The following RARB variants were observed in gnomAD, a reference collection of about 807,000 sequenced individuals.
The protein encoded by RARB is retinoic acid receptor beta, also known as HBV-activated protein.
A neutral mutation model predicts 51.9 loss-of-function variants in RARB; 17 were observed. The observed-to-expected ratio is 0.33, with a 90% CI of 0.22 to 0.49. The LOEUF (loss-of-function observed/expected upper bound fraction) is 0.49. Ranked by LOEUF, RARB falls within the 20% of genes least tolerant of loss-of-function variation. RARB has a pLI of 0.99. For missense variants in RARB, 369 were observed against 550.8 expected, an observed-to-expected ratio of 0.67 and a Z score of 3.30; for synonymous variants, 215 against 195.4, an observed-to-expected ratio of 1.10 and a Z score of -0.84.
At chr3:25,351,624 A>G (rs1490791830) in intron 5 of RARB, among the ~76,000 whole-genome samples, 1 of 152,184 alleles carries the variant, frequency 6.6e-6, no homozygotes, top group African/African-American at 2.4e-5. Flanking sequence ...AGCCCGGAAG[A>G]CACTTGGGCG....
chr3:25,568,558 C>T (rs1700585357), intron 3 of RARB, among the ~76,000 whole-genome samples: 1 of 152,112 alleles, frequency 6.6e-6, no homozygotes, highest in Non-Finnish European at 1.5e-5. Context: ...CTTCCTCTCT[C>T]CTCCTGCTAT....
intron 2 of RARB, among the ~76,000 whole-genome samples, chr3:25,040,976 G>A (rs1698102342): frequency 6.6e-6 from 1 of 152,158 alleles, no homozygotes; most frequent in Admixed American, 6.5e-5. Flanking sequence ...CATCATTCAT[G>A]CTGTATCAAC....
intron 3 of RARB, among the ~76,000 whole-genome samples, chr3:25,520,065 A>C (rs371930075): frequency 3.3e-5 from 5 of 152,176 alleles, no homozygotes; most frequent in African/African-American, 1.2e-4. Context: ...AGCCACATGC[A>C]TTCACTTATG....
chr3:24,894,163 A>C (rs1399600460), intron 2 of RARB, among the ~76,000 whole-genome samples: 1 of 152,112 alleles, frequency 6.6e-6, no homozygotes, highest in Non-Finnish European at 1.5e-5. Context: ...GTGCATGTTT[A>C]CCTGGGTATA....
intron 5 of RARB, among the ~76,000 whole-genome samples, chr3:25,421,476 A>G (rs1707862549): frequency 7.4e-6 from 1 of 135,552 alleles, no homozygotes; most frequent in East Asian, 2.1e-4. Context: ...CAGTGGTGCA[A>G]TCTCGGCTCA....
chr3:24,883,058 G>T (rs1292672270), intron 2 of RARB, among the ~76,000 whole-genome samples: 3 of 152,110 alleles, frequency 2.0e-5, no homozygotes, highest in African/African-American at 7.2e-5. Flanking sequence ...GTCAGTAAGA[G>T]CCTTTCTCCT....
At chr3:25,454,611 T>C (rs1284764007) in intron 1 of RARB, among the ~76,000 whole-genome samples, 1 of 152,166 alleles carries the variant, frequency 6.6e-6, no homozygotes, top group Non-Finnish European at 1.5e-5. Context: ...CCTGCCTGCC[T>C]GTAATCAGGC....
At chr3:25,094,527 G>C (rs1699257892) in intron 3 of RARB, among the ~76,000 whole-genome samples, 1 of 151,768 alleles carries the variant, frequency 6.6e-6, no homozygotes, top group Non-Finnish European at 1.5e-5. Context: ...GAACAGCTTG[G>C]GCAACTTGGC....
chr3:24,862,525 A>G (rs1414847679), intron 2 of RARB, among the ~76,000 whole-genome samples: 1 of 152,210 alleles, frequency 6.6e-6, no homozygotes, highest in Non-Finnish European at 1.5e-5. Context: ...TCTTAGTATC[A>G]CAATAAAATC....
intron 2 of RARB, among the ~76,000 whole-genome samples, chr3:24,944,096 G>A (rs1324662359): frequency 6.6e-6 from 1 of 152,158 alleles, no homozygotes; most frequent in Admixed American, 6.5e-5. Context: ...TGTCATGATT[G>A]AAGTCTGACT....
chr3:25,443,768 C>T (rs888515128), intron 1 of RARB, among the ~76,000 whole-genome samples: 26 of 151,704 alleles, frequency 1.7e-4, no homozygotes, highest in African/African-American at 2.4e-5. Flanking sequence ...CCTATTTCTA[C>T]TAAAATACAA....
intron 2 of RARB, among the ~76,000 whole-genome samples, chr3:24,897,331 G>T (rs1423789541): frequency 1.3e-5 from 2 of 151,278 alleles, no homozygotes; most frequent in African/African-American, 4.9e-5. Flanking sequence ...CTCAAGTTAG[G>T]GCTATTAATT....
chr3:25,319,761 T>C (rs1704517237), intron 5 of RARB, among the ~76,000 whole-genome samples: 1 of 152,206 alleles, frequency 6.6e-6, no homozygotes, highest in Non-Finnish European at 1.5e-5. Context: ...TAAGGAGTTT[T>C]GCCATCCAGA....
At chr3:24,951,784 C>T (rs900424072) in intron 2 of RARB, among the ~76,000 whole-genome samples, 2 of 152,132 alleles carry the variant, frequency 1.3e-5, no homozygotes, top group Admixed American at 6.5e-5. Context: ...TCATTTAATC[C>T]CCACTCTTTT....
intron 2 of RARB, among the ~76,000 whole-genome samples, chr3:24,964,141 C>A (rs970628228): frequency 2.0e-5 from 3 of 151,906 alleles, no homozygotes; most frequent in African/African-American, 7.3e-5. Context: ...CACCCCCCCA[C>A]CCCACATACT....
At chr3:25,469,327 G>A (rs894847432) in intron 2 of RARB, among the ~76,000 whole-genome samples, 1 of 152,182 alleles carries the variant, frequency 6.6e-6, no homozygotes, top group Non-Finnish European at 1.5e-5. Context: ...CCACATTGTT[G>A]TTTTTAATTG....
chr3:24,830,566 G>A (rs1007667538), intron 1 of RARB, among the ~76,000 whole-genome samples: 1 of 151,472 alleles, frequency 6.6e-6, no homozygotes. Flanking sequence ...ACTCCCCGCC[G>A]GAGGCAAGCA....
intron 1 of RARB, among the ~76,000 whole-genome samples, chr3:24,830,323 G>C (rs889239179): frequency 6.8e-6 from 1 of 147,662 alleles, no homozygotes. Flanking sequence ...CCGATGTCTT[G>C]TAGGTGGACT....
chr3:25,024,974 A>T (rs2125286901), intron 2 of RARB: 1 of 150,546 alleles, frequency 6.6e-6, no homozygotes, highest in African/African-American at 2.5e-5. Flanking sequence ...AAAAAAAAAA[A>T]AGGAAATTTA....
Sources: gnomAD v4.1 joint callset for allele counts (sites outside exome capture counted in the v4.1 genomes callset) on GRCh38, gnomAD v4.1.1 for gene constraint, MANE v1.5 for transcripts, NCBI Gene and HGNC (gene_info 2026-07-23, HGNC 2026-07-21) for gene names.